The following PCDH17 variants were observed in gnomAD, a reference collection of about 807,000 sequenced individuals.
PCDH17 encodes protocadherin-17.
In PCDH17, 21 loss-of-function variants were observed where a neutral mutation model predicts 67.7. That is an observed-to-expected ratio of 0.31 (90% CI 0.22 to 0.45). The LOEUF (loss-of-function observed/expected upper bound fraction) is 0.45. Among genes scored for constraint, PCDH17 ranks in the 20% least tolerant of loss-of-function variants. The pLI, the probability that PCDH17 is intolerant of heterozygous loss-of-function variation, is 1.00. For missense variants in PCDH17, 1,471 were observed against 1,564.8 expected, an observed-to-expected ratio of 0.94 and a Z score of 1.01; for synonymous variants, 701 against 656.7, an observed-to-expected ratio of 1.07 and a Z score of -1.03.
intron 3 of PCDH17, among the ~76,000 whole-genome samples, chr13:57,719,504 C>T (rs1199481147): frequency 6.6e-6 from 1 of 151,992 alleles, no homozygotes; most frequent in Non-Finnish European, 1.5e-5. Context: ...TCCTGTGCTG[C>T]AAACTATATG....
chr13:57,648,228 T>C (rs1954989922), intron 1 of PCDH17, among the ~76,000 whole-genome samples: 2 of 151,800 alleles, frequency 1.3e-5, no homozygotes, highest in African/African-American at 2.4e-5. Flanking sequence ...GTATAAATAA[T>C]TGGAAAGTGG....
At chr13:57,674,775 G>A (rs1044939547) in intron 3 of PCDH17, among the ~76,000 whole-genome samples, 1 of 151,898 alleles carries the variant, frequency 6.6e-6, no homozygotes, top group Non-Finnish European at 1.5e-5. Flanking sequence ...AATTTAATAG[G>A]TCTAAAACAT....
intron 1 of PCDH17, among the ~76,000 whole-genome samples, chr13:57,665,680 G>T (rs1955243816): frequency 6.6e-6 from 1 of 152,106 alleles, no homozygotes; most frequent in East Asian, 1.9e-4. Flanking sequence ...TCTCCCAAAA[G>T]ACTCTGTTCC....
chr13:57,675,295 C>T (rs138398455), intron 3 of PCDH17, among the ~76,000 whole-genome samples: 1 of 152,006 alleles, frequency 6.6e-6, no homozygotes, highest in East Asian at 1.9e-4. Flanking sequence ...ATTTGTTGCT[C>T]ATTGATTCTT....
At chr13:57,662,163 G>T (rs955583994) in intron 1 of PCDH17, among the ~76,000 whole-genome samples, 1 of 152,024 alleles carries the variant, frequency 6.6e-6, no homozygotes, top group African/African-American at 2.4e-5. Flanking sequence ...CACCATACTG[G>T]GCCCAACAGT....
intron 1 of PCDH17, among the ~76,000 whole-genome samples, chr13:57,642,802 A>C (rs1421470458): frequency 6.6e-6 from 1 of 151,644 alleles, no homozygotes; most frequent in East Asian, 1.9e-4. Flanking sequence ...AAAATGCAAC[A>C]GGTATTTATT....
intron 1 of PCDH17, among the ~76,000 whole-genome samples, chr13:57,654,451 A>C (rs915873822): frequency 6.6e-6 from 1 of 152,024 alleles, no homozygotes; most frequent in African/African-American, 2.4e-5. Context: ...CACCATGTAG[A>C]TTATAAAAAG....
Position 57,682,792 on chromosome 13 carries a change from A to G in PCDH17, c.2797+15959A>G, listed in dbSNP as rs1955466302. ...AAGCAGAAGAATTTAGAGAACCTGA[A>G]GTTGATAATGGGTAAATGTTAAAGG... On this transcript the variant is annotated intron_variant, in intron 3 of 3. Transcript: ENST00000377918. Among the ~76,000 whole-genome samples the G allele has an allele frequency of 2.0e-5, 3 of 151,978 alleles. No individual in the cohort carries two copies. In the South Asian group the frequency reaches 6.2e-4, roughly 31 times the overall value.
chr13:57,698,256 C>G (rs999391509), intron 3 of PCDH17, among the ~76,000 whole-genome samples: 1 of 151,490 alleles, frequency 6.6e-6, no homozygotes, highest in Non-Finnish European at 1.5e-5. Context: ...TACACACACA[C>G]ACATAGAGTT....
intron 3 of PCDH17, among the ~76,000 whole-genome samples, chr13:57,674,741 A>G (rs1170743128): frequency 6.6e-6 from 1 of 152,008 alleles, no homozygotes; most frequent in African/African-American, 2.4e-5. Context: ...TAGTTAGTTA[A>G]GAACTTAAGG....
intron 1 of PCDH17, among the ~76,000 whole-genome samples, chr13:57,641,409 TAAAGCAAAAAA>T (rs1025564564): frequency 6.9e-6 from 1 of 145,002 alleles, no homozygotes; most frequent in Non-Finnish European, 1.5e-5. Flanking sequence ...ATATTTAAGG[TAAAGCAAAAAA>T]AAAGAAAAAA....
chr13:57,721,264 AG>A (rs1324903090), intron 3 of PCDH17, among the ~76,000 whole-genome samples: 2 of 152,142 alleles, frequency 1.3e-5, no homozygotes, highest in Non-Finnish European at 2.9e-5. Context: ...AACAAAAGTA[AG>A]TAATATCTTG....
At position 57,646,744 on chromosome 13, in the gene PCDH17, TATC is replaced by T. The variant is rs1172339660; in HGVS notation, c.2565+11636_2565+11638del. ...GAAAGATTAAGCTAACGGTATTAAA[TATC>T]ATATAAGATTATCCCATGAATAAGA... On this transcript the variant is annotated intron_variant, in intron 1 of 3. Transcript: ENST00000377918. Among the ~76,000 whole-genome samples the T allele has an allele frequency of 2.6e-5, 4 of 151,912 alleles. No individual in the cohort carries two copies. In the East Asian group the frequency reaches 7.7e-4, roughly 29 times the overall value.
intron 3 of PCDH17, among the ~76,000 whole-genome samples, chr13:57,688,407 A>T (rs1035296200): frequency 2.0e-5 from 3 of 152,184 alleles, no homozygotes; most frequent in Admixed American, 2.0e-4. Flanking sequence ...TGACACATTG[A>T]CTAAATGACA....
intron 3 of PCDH17, among the ~76,000 whole-genome samples, chr13:57,696,769 C>G (rs1470574802): frequency 6.6e-6 from 1 of 151,408 alleles, no homozygotes; most frequent in Non-Finnish European, 1.5e-5. Context: ...TAGAACAGAT[C>G]TATAAATTGA....
chr13:57,664,707 C>T (rs997162668), intron 1 of PCDH17, among the ~76,000 whole-genome samples: 2 of 152,102 alleles, frequency 1.3e-5, no homozygotes, highest in Admixed American at 6.5e-5. Flanking sequence ...TTATTTTTAG[C>T]TTTCAACTGA....
chr13:57,717,151 C>T (rs774546443), intron 3 of PCDH17, among the ~76,000 whole-genome samples: 2 of 151,948 alleles, frequency 1.3e-5, no homozygotes, highest in Non-Finnish European at 2.9e-5. Context: ...TGTGCCTTTA[C>T]TTCCAAGCAT....
chr13:57,728,782 T>A lies in PCDH17; in HGVS notation c.*3488T>A, dbSNP rs1343309762. The A allele has an allele frequency of 6.6e-6, 1 of 152,108 alleles. No individual in the cohort carries two copies. The highest frequency in any genetic ancestry group is 6.6e-5 in the Admixed American group (1 of 15,260). The allele number at this position is 152,108 out of a possible 1,614,324, so 9.4% of individuals were successfully genotyped here. ...TTTTGTTTTCCAAAATTAGCTGAAA[T>A]CTTGTAAAACATGACTTCCCTTTAA... On this transcript the variant is annotated 3_prime_UTR_variant, in exon 4 of 4. Transcript: ENST00000377918.
intron 3 of PCDH17, among the ~76,000 whole-genome samples, chr13:57,675,038 T>C (rs905071415): frequency 2.0e-5 from 3 of 151,912 alleles, no homozygotes; most frequent in Admixed American, 1.3e-4. Flanking sequence ...TAACACACAA[T>C]AGAGACTTCA....
Sources: gnomAD v4.1 joint callset for allele counts (sites outside exome capture counted in the v4.1 genomes callset) on GRCh38, gnomAD v4.1.1 for gene constraint, MANE v1.5 for transcripts, NCBI Gene and HGNC (gene_info 2026-07-23, HGNC 2026-07-21) for gene names.